The following VSTM4 variants were observed in gnomAD, a reference collection of about 807,000 sequenced individuals.
VSTM4 encodes V-set and transmembrane domain-containing protein 4.
Under a neutral mutation model 36.4 loss-of-function variants are expected in VSTM4, and 20 were observed. The ratio of observed to expected loss-of-function variants is 0.55; its 90% CI spans 0.39 to 0.80. The LOEUF (loss-of-function observed/expected upper bound fraction) is 0.80. Ranked by LOEUF, VSTM4 falls within the 30% of genes least tolerant of loss-of-function variation. VSTM4 has a pLI of 0.00. For synonymous variants in VSTM4, 182 were observed against 173.9 expected (o/e 1.05, Z -0.37); for missense variants, 392 against 404.5 (o/e 0.97, Z 0.26).
At chr10:49,022,354 C>G (rs999699160) in intron 7 of VSTM4, among the ~76,000 whole-genome samples, 2 of 152,118 alleles carry the variant, frequency 1.3e-5, no homozygotes, top group African/African-American at 4.8e-5. Context: ...TTCCAAACAA[C>G]TAAACCACCT....
chr10:49,108,172 C>G (rs1418093717), intron 1 of VSTM4, among the ~76,000 whole-genome samples, 177 bp from the exon 2 acceptor site: 1 of 152,168 alleles, frequency 6.6e-6, no homozygotes, highest in Non-Finnish European at 1.5e-5. Flanking sequence ...GGGGGTGAGC[C>G]TCTGTGGGCC....
intron 7 of VSTM4, among the ~76,000 whole-genome samples, chr10:49,030,220 C>T (rs541197212): frequency 6.6e-5 from 10 of 152,340 alleles, no homozygotes; most frequent in South Asian, 6.2e-4. Context: ...CTCCTTGGAG[C>T]GGAGGCCACT....
chr10:49,071,815 C>G, intron 4 of VSTM4, among the ~76,000 whole-genome samples: 1 of 152,186 alleles, frequency 6.6e-6, no homozygotes, highest in East Asian at 1.9e-4. Flanking sequence ...CCCTCAGCTC[C>G]CACACATGCA....
intron 7 of VSTM4, among the ~76,000 whole-genome samples, chr10:49,023,145 C>T (rs533531613): frequency 6.6e-6 from 1 of 152,322 alleles, no homozygotes; most frequent in East Asian, 1.9e-4. Context: ...ATGCATATTT[C>T]TGGAATATAA....
chr10:49,115,357 C>G lies in VSTM4; in HGVS notation c.55+74G>C, dbSNP rs568024249. The G allele has an allele frequency of 1.3e-4, 120 of 951,980 alleles. 1 individual carries two copies. The highest frequency in any genetic ancestry group is 1.9e-4 in the South Asian group (4 of 21,338). 59.0% of individuals were successfully genotyped at this position (951,980 alleles called of 1,614,324 possible). A position where few individuals can be genotyped will look rare whatever the true frequency, so the allele number is the denominator to read the frequency against. Reference sequence around the variant, plus strand: ...GGTGGCAGGGCCTCCCCACCAGGCCCGGAGCCCCGGCCTCCCCGGCGCGGC... The same window carrying G: ...GGTGGCAGGGCCTCCCCACCAGGCCGGGAGCCCCGGCCTCCCCGGCGCGGC... On this transcript the variant is annotated intron_variant, in intron 1 of 7. Transcript: ENST00000332853.
intron 5 of VSTM4, among the ~76,000 whole-genome samples, chr10:49,049,586 G>A (rs769526423): frequency 3.3e-5 from 5 of 152,038 alleles, no homozygotes; most frequent in Admixed American, 1.3e-4. Context: ...AGGCTATCTC[G>A]CTAATACATA....
chr10:49,101,908 A>C (rs1844671992), intron 2 of VSTM4, among the ~76,000 whole-genome samples: 1 of 152,226 alleles, frequency 6.6e-6, no homozygotes, highest in Non-Finnish European at 1.5e-5. Context: ...AAAAGAATAC[A>C]TGTAATATCA....
chr10:49,109,777 A>T (rs1345822163), intron 1 of VSTM4, among the ~76,000 whole-genome samples: 1 of 152,200 alleles, frequency 6.6e-6, no homozygotes, highest in Non-Finnish European at 1.5e-5. Flanking sequence ...ACTAATGTGT[A>T]GCCAAAGGAG....
chr10:49,021,641 G>A (rs777656743), intron 7 of VSTM4, among the ~76,000 whole-genome samples: 2 of 151,666 alleles, frequency 1.3e-5, no homozygotes, highest in African/African-American at 2.4e-5. Flanking sequence ...TCAGAAAACC[G>A]ACACTTAAAG....
intron 4 of VSTM4, among the ~76,000 whole-genome samples, chr10:49,069,303 C>T (rs746711791): frequency 6.6e-6 from 1 of 152,226 alleles, no homozygotes; most frequent in African/African-American, 2.4e-5. Context: ...AGGCTTTGCA[C>T]AGGCCCCGCA....
At chr10:49,061,430 C>T (rs1306795209) in intron 5 of VSTM4, among the ~76,000 whole-genome samples, 1 of 152,066 alleles carries the variant, frequency 6.6e-6, no homozygotes, top group South Asian at 2.1e-4. Flanking sequence ...TCTTCAATAA[C>T]CATGCTAATT....
intron 1 of VSTM4, among the ~76,000 whole-genome samples, chr10:49,111,919 GTGAGCT>G (rs200144168): frequency 0.011 from 1,604 of 152,308 alleles, 15 homozygotes; most frequent in African/African-American, 0.037. Context: ...CTCTGGGGAT[GTGAGCT>G]TGAGCTAAAG....
intron 7 of VSTM4, among the ~76,000 whole-genome samples, chr10:49,020,807 G>C (rs903687143): frequency 6.6e-6 from 1 of 151,226 alleles, no homozygotes; most frequent in East Asian, 1.9e-4. Flanking sequence ...GAGGAAGAGA[G>C]GATATCATTT....
intron 2 of VSTM4, chr10:49,103,714 A>G (rs750863733): frequency 6.2e-7 from 1 of 1,610,344 alleles, no homozygotes; most frequent in Non-Finnish European, 8.5e-7. Flanking sequence ...GGGAGTTTCC[A>G]GTGAAAGACA....
intron 5 of VSTM4, among the ~76,000 whole-genome samples, chr10:49,057,795 G>C (rs141189467): frequency 6.6e-6 from 1 of 152,196 alleles, no homozygotes; most frequent in Admixed American, 6.5e-5. Flanking sequence ...TGTGGGCAGA[G>C]GGAGGGCACA....
chr10:49,102,561 G>A, intron 2 of VSTM4: 1 of 985,476 alleles, frequency 1.0e-6, no homozygotes, highest in Non-Finnish European at 1.2e-6. Context: ...GCCAGTGGGA[G>A]AGCACTCCAT....
At chr10:49,029,805 T>A (rs1464430735) in intron 7 of VSTM4, among the ~76,000 whole-genome samples, 2 of 152,190 alleles carry the variant, frequency 1.3e-5, no homozygotes, top group Non-Finnish European at 2.9e-5. Context: ...ACTGGCCCCA[T>A]CCTCATCAGA....
In VSTM4 at chr10:49,077,325, A is replaced by C; in HGVS notation, c.528T>G (p.Asp176Glu). Residue 176 changes from aspartate to glutamate, a missense_variant and splice_region_variant, in exon 4 of 8, where the codon GAT becomes GAG. Asp to Glu is a conservative substitution (Grantham distance 45). Transcript: ENST00000332853. ...KTKETWAFFEDLYVYAVLVCC... is the reference protein window; with the variant it reads ...KTKETWAFFEELYVYAVLVCC... ...ACACGAGGACAGCATACACATAGAGATCTGAAAGGCAAGGACAGACACGTG... is the reference window on the plus strand; with the variant it reads ...ACACGAGGACAGCATACACATAGAGCTCTGAAAGGCAAGGACAGACACGTG... The C allele has an allele frequency of 6.2e-7, 1 of 1,614,176 alleles. No homozygotes were observed. The highest frequency in any genetic ancestry group is 8.5e-7 in the Non-Finnish European group (1 of 1,180,018).
Position 49,069,090 on chromosome 10 carries a change from C to T in VSTM4, c.635-4354G>A, listed in dbSNP as rs1844026474. 3.3e-5 allele frequency among the ~76,000 whole-genome samples: 5 copies of T among 152,126 alleles called. No individual in the cohort carries two copies. The South Asian group carries it at 1.0e-3, about 32-fold the overall frequency. On this transcript the variant is annotated intron_variant, in intron 4 of 7. Transcript: ENST00000332853. ...ACACTCTCACCCCATGGCAAACCTC[C>T]CAGATGGCATGTCCAGCCTGAAGGC...
Sources: gnomAD v4.1 joint callset for allele counts (sites outside exome capture counted in the v4.1 genomes callset) on GRCh38, gnomAD v4.1.1 for gene constraint, MANE v1.5 for transcripts, NCBI Gene and HGNC (gene_info 2026-07-23, HGNC 2026-07-21) for gene names.